The following MGAM variants were observed in gnomAD, a reference collection of about 807,000 sequenced individuals.
MGAM encodes the protein maltase-glucoamylase, also known as alpha-1,4-glucosidase.
MGAM carries 253 observed loss-of-function variants against 358.8 expected under a neutral mutation model. The observed-to-expected ratio is 0.71, with a 90% CI of 0.64 to 0.78. The LOEUF (loss-of-function observed/expected upper bound fraction) is 0.78, where lower values mean the gene tolerates loss of function less well. Ranked by LOEUF, MGAM falls within the 30% of genes least tolerant of loss-of-function variation. MGAM has a pLI of 0.00. For missense variants in MGAM, 3,080 were observed against 3,432.6 expected, an observed-to-expected ratio of 0.90 and a Z score of 2.57; for synonymous variants, 1,105 against 1,227.1, an observed-to-expected ratio of 0.90 and a Z score of 2.08.
Position 142,063,426 on chromosome 7 carries a change from A to G in MGAM, c.4258-73A>G, listed in dbSNP as rs146133214. 1,414 of 1,536,128 alleles carry G rather than the reference A, an allele frequency of 9.2e-4. 10 individuals carry two copies. The African/African-American group carries it at 0.015, about 16-fold the overall frequency. On this transcript the variant is annotated intron_variant, in intron 35 of 70. Transcript: ENST00000475668. ...CTGGATGTTGAACAATTTATTCACT[A>G]CTTCCTTGGCTCAGAATTGGCAGGA... is the stretch of plus-strand genomic sequence containing the variant.
At chr7:142,095,771 T>C in intron 64 of MGAM, 58 bp downstream of exon 64, 4 of 1,595,598 alleles carry the variant, frequency 2.5e-6, no homozygotes, top group Non-Finnish European at 3.4e-6. Context: ...TTCTATATGG[T>C]GACAGTTGAA....
Position 142,082,148 on chromosome 7 carries a change from T to A in MGAM, c.6109T>A (p.Ser2037Thr). Residue 2037 changes from serine to threonine, a missense_variant, in exon 51 of 71, where the codon TCC (serine) becomes ACC (threonine). Ser to Thr is a moderately conservative substitution (Grantham distance 58). Around this residue, in one of 5 missense-constraint regions of MGAM, gnomAD observed 932 missense variants for 1,198.2 expected, o/e 0.78. Coordinates refer to ENST00000475668, the MANE Select transcript of MGAM (RefSeq NM_001365693.1). ...TGGCTTTGGGGAGACTGAGCACACG[T>A]CCTACAGGAGAGACTTGGAGTGGCA... The part of the protein sequence containing the change: ...LYGFGETEHT[S>T]YRRDLEWHTW... 1.3e-6 allele frequency: 2 copies of A among 1,555,586 alleles called. 1 individual carries two copies. Among genetic ancestry groups the A allele is most frequent in the Non-Finnish European group, 1.8e-6 (2 of 1,132,376 alleles).
rs1434141043 is a variant in MGAM, at chr7:142,040,817, A to T, written c.2469A>T (p.Thr823=). The change falls in exon 21 of 71, where the codon ACA becomes ACT. Residue 823 remains threonine (T), a synonymous_variant. Transcript: ENST00000475668. ...LHLRGGYIFP[T]QQPNTTTLAS... ...TTCGAGGAGGCTACATCTTCCCCAC[A>T]CAGCAGCCAAATACAACCACTCTGG... 6 of 1,612,680 alleles carry T rather than the reference A, an allele frequency of 3.7e-6. No homozygotes were observed. Among genetic ancestry groups the T allele is most frequent in the Non-Finnish European group, 5.1e-6 (6 of 1,179,200 alleles).
chr7:142,056,335 T>A (rs1305169860), intron 29 of MGAM, among the ~76,000 whole-genome samples: 3 of 152,210 alleles, frequency 2.0e-5, no homozygotes, highest in Non-Finnish European at 2.9e-5. Flanking sequence ...TAACACCACA[T>A]GGGTCCCAAA....
At chr7:142,062,111 A>C (rs1812263574) in intron 34 of MGAM, among the ~76,000 whole-genome samples, 1 of 152,186 alleles carries the variant, frequency 6.6e-6, no homozygotes, top group Non-Finnish European at 1.5e-5. Flanking sequence ...TAATATCCAG[A>C]AATGTAATCT....
chr7:142,058,395 T>C (rs949273635), intron 31 of MGAM, 67 bp downstream of exon 31: 2 of 1,598,586 alleles, frequency 1.3e-6, no homozygotes, highest in African/African-American at 2.7e-5. Flanking sequence ...TGGGTTCATT[T>C]GTCTAATGTT....
At chr7:142,045,373 ATT>A (rs1473731064) in intron 21 of MGAM, among the ~76,000 whole-genome samples, 5 of 100,282 alleles carry the variant, frequency 5.0e-5, no homozygotes, top group Non-Finnish European at 9.3e-5. Flanking sequence ...TATAATATAT[ATT>A]ATATATCCCT....
At chr7:142,083,481 A>G (rs1213238009) in intron 53 of MGAM, 68 bp downstream of exon 53, 3 of 1,124,508 alleles carry the variant, frequency 2.7e-6, no homozygotes, top group African/African-American at 2.9e-5. Flanking sequence ...GCCCACATTC[A>G]TTAGTATAAC....
intron 21 of MGAM, among the ~76,000 whole-genome samples, chr7:142,044,287 C>T (rs575984531): frequency 8.3e-5 from 7 of 84,406 alleles, no homozygotes; most frequent in African/African-American, 1.6e-4. Flanking sequence ...ACACATACGA[C>T]ATATAATATA....
chr7:142,024,932 G>A, intron 7 of MGAM, 118 bp from the exon 8 acceptor site: 1 of 657,848 alleles, frequency 1.5e-6, no homozygotes, highest in East Asian at 2.7e-5. Context: ...GTGTCTTTAT[G>A]ACCCTGAATG....
At position 142,095,684 on chromosome 7, in the gene MGAM, C is replaced by T. The variant is rs1393697705; in HGVS notation, c.7578C>T (p.Gly2526=). The T allele has an allele frequency of 9.9e-6, 16 of 1,613,876 alleles. No homozygotes were observed. Among genetic ancestry groups the T allele is most frequent in the African/African-American group, 2.7e-5 (2 of 74,928 alleles). The change falls in exon 64 of 71, where the codon GGC becomes GGT. Residue 2526 remains glycine, a synonymous_variant. Coordinates refer to ENST00000475668, the MANE Select transcript of MGAM (RefSeq NM_001365693.1). ...TGATGCATAAGGCCCACACGGAGGGCGTCACTGTTGTGCGGCCTCTGCTCC... is the reference window on the plus strand; with the variant it reads ...TGATGCATAAGGCCCACACGGAGGGTGTCACTGTTGTGCGGCCTCTGCTCC... ...YTLMHKAHTE[G]VTVVRPLLHE...
At chr7:142,021,788 G>A in intron 6 of MGAM, 51 bp downstream of exon 6, 1 of 1,584,230 alleles carries the variant, frequency 6.3e-7, no homozygotes, top group Non-Finnish European at 8.7e-7. Flanking sequence ...TTACAGGGAG[G>A]TCTGTAAGCA....
chr7:142,037,501 A>C (rs1387827604), intron 18 of MGAM, among the ~76,000 whole-genome samples: 2 of 152,212 alleles, frequency 1.3e-5, no homozygotes, highest in African/African-American at 4.8e-5. Flanking sequence ...CAAGGCACTT[A>C]AGAGCATTTT....
Position 142,042,572 on chromosome 7 carries a change from TAA to T in MGAM, c.2498+1727_2498+1728del, listed in dbSNP as rs1809049384. 4.2e-5 allele frequency among the ~76,000 whole-genome samples: 2 copies of T among 47,804 alleles called. 1 individual carries two copies. Among genetic ancestry groups the T allele is most frequent in the Non-Finnish European group, 7.0e-5 (2 of 28,720 alleles). 31.4% of individuals were successfully genotyped at this position (47,804 alleles called of 152,430 possible). On this transcript the variant is annotated intron_variant, in intron 21 of 70. Coordinates refer to ENST00000475668, the MANE Select transcript of MGAM (RefSeq NM_001365693.1). Reference sequence around the variant, plus strand: ...ATATATACATATTATATATAATATATAATATATATTATATATACATATTATAT... The same window carrying T: ...ATATATACATATTATATATAATATATTATATATTATATATACATATTATAT...
chr7:142,043,675 C>T (rs1173036105), intron 21 of MGAM, among the ~76,000 whole-genome samples: 3 of 127,590 alleles, frequency 2.4e-5, no homozygotes, highest in African/African-American at 8.9e-5. Flanking sequence ...ATTATATATA[C>T]ATATACTATC....
At chr7:142,039,005 G>C (rs543578215) in intron 19 of MGAM, among the ~76,000 whole-genome samples, 7 of 152,076 alleles carry the variant, frequency 4.6e-5, no homozygotes, top group Admixed American at 2.0e-4. Context: ...TTCTAGGGAG[G>C]CCTCAGGAAG....
rs745642247 is a variant in MGAM, at chr7:142,054,784, G to A, written c.3190G>A (p.Val1064Ile). 38 of 1,613,794 alleles carry A rather than the reference G, an allele frequency of 2.4e-5. No homozygotes were observed. Among genetic ancestry groups the A allele is most frequent in the Non-Finnish European group, 3.1e-5 (37 of 1,179,850 alleles). ...TGATCCCAACAAGAATCGGTATGAA[G>A]TTCCAGTCCCTCTGAACATACCCAG... ...IYDPNKNRYE[V>I]PVPLNIPSMP... The change falls in exon 27 of 71, where the codon GTT (valine) becomes ATT (isoleucine). Residue 1064 changes from valine to isoleucine, a missense_variant. Physicochemically the swap from Val to Ile is conservative, Grantham distance 29. Around this residue, in one of 5 missense-constraint regions of MGAM, gnomAD observed 1,816 missense variants for 1,840.5 expected, o/e 0.99. Transcript: ENST00000475668.
intron 66 of MGAM, among the ~76,000 whole-genome samples, chr7:142,097,926 C>T (rs1205292086): frequency 2.0e-5 from 3 of 152,210 alleles, no homozygotes; most frequent in Non-Finnish European, 4.4e-5. Context: ...TCTTATATCA[C>T]TGCTATTTAC....
At chr7:142,089,145 C>A (rs1815131198) in intron 57 of MGAM, among the ~76,000 whole-genome samples, 1 of 145,852 alleles carries the variant, frequency 6.9e-6, no homozygotes, top group African/African-American at 2.4e-5. Context: ...ACCTGCCCAG[C>A]CAGAGAAGTT....
Sources: gnomAD v4.1 joint callset for allele counts (sites outside exome capture counted in the v4.1 genomes callset) on GRCh38, gnomAD v4.1.1 for gene constraint, gnomAD v4.1.1 regional missense constraint, MANE v1.5 for transcripts, NCBI Gene and HGNC (gene_info 2026-07-23, HGNC 2026-07-21) for gene names.